MOSPD1: variants seen among roughly 807,000 people sequenced by gnomAD.
MOSPD1 encodes the protein motile sperm domain containing 1.
A neutral mutation model predicts 16.7 loss-of-function variants in MOSPD1; 5 were observed. That is an observed-to-expected ratio of 0.30 (90% CI 0.16 to 0.63). MOSPD1 has a LOEUF of 0.63. Among genes scored for constraint, MOSPD1 ranks in the 30% least tolerant of loss-of-function variants. MOSPD1 has a pLI of 0.82. For synonymous variants in MOSPD1, 67 were observed against 59.2 expected (o/e 1.13, Z -0.61); for missense variants, 104 against 153.6 (o/e 0.68, Z 1.71).
chrX:134,911,152 C>T (rs1184953714), intron 1 of MOSPD1, among the ~76,000 whole-genome samples: 1 of 112,175 alleles, frequency 8.9e-6, no homozygotes, highest in East Asian at 2.8e-4. Flanking sequence ...GTGTAACCTA[C>T]GATTTTGCCT....
At chrX:134,890,656 A>G (rs1167414407) in intron 5 of MOSPD1, among the ~76,000 whole-genome samples, 1 of 110,303 alleles carries the variant, frequency 9.1e-6, no homozygotes, top group Non-Finnish European at 1.9e-5. Flanking sequence ...TAAAAATACA[A>G]AATTAGCCTG....
chrX:134,902,569 G>T (rs764999078), intron 1 of MOSPD1, among the ~76,000 whole-genome samples: 4 of 109,996 alleles, frequency 3.6e-5, no homozygotes, highest in Admixed American at 2.9e-4. Context: ...AAGGTGGGAG[G>T]ATTTATTGAG....
chrX:134,911,992 G>A (rs1307312979), intron 1 of MOSPD1, among the ~76,000 whole-genome samples: 1 of 112,353 alleles, frequency 8.9e-6, no homozygotes. Flanking sequence ...GATGAAAAGA[G>A]GTATAGGTCA....
intron 1 of MOSPD1, among the ~76,000 whole-genome samples, chrX:134,904,066 CTG>C (rs1371985952): frequency 8.9e-6 from 1 of 112,385 alleles, no homozygotes; most frequent in African/African-American, 3.2e-5. Flanking sequence ...AAATGAAAAA[CTG>C]TTTCTGAAGA....
intron 1 of MOSPD1, among the ~76,000 whole-genome samples, chrX:134,911,771 G>C (rs1248929438): frequency 8.9e-6 from 1 of 112,090 alleles, no homozygotes; most frequent in Non-Finnish European, 1.9e-5. Context: ...TCTAACCAAG[G>C]TACTGCTAAA....
At chrX:134,893,850 G>A (rs1038910944) in intron 4 of MOSPD1, among the ~76,000 whole-genome samples, 6 of 110,952 alleles carry the variant, frequency 5.4e-5, no homozygotes, top group African/African-American at 1.6e-4. Flanking sequence ...TGGACTTTTC[G>A]GTTATTTTCA....
At chrX:134,902,289 C>A (rs2082915137) in intron 1 of MOSPD1, among the ~76,000 whole-genome samples, 1 of 109,680 alleles carries the variant, frequency 9.1e-6, no homozygotes, top group African/African-American at 3.3e-5. Context: ...CGCCTGTAGT[C>A]CCAGCTACTC....
chrX:134,887,718 C>T lies in MOSPD1; in HGVS notation c.*1443G>A, dbSNP rs768082730. On this transcript the variant is annotated 3_prime_UTR_variant, in exon 6 of 6. Coordinates refer to ENST00000370783, the MANE Select transcript of MOSPD1 (RefSeq NM_019556.3). ...ACACACACATGTGCACTTGCACACA[C>T]GTGCACACACAGGACTTGAGATGGA... The T allele has an allele frequency of 7.0e-5, 8 of 113,577 alleles. No individual in the cohort carries two copies. Among genetic ancestry groups the T allele is most frequent in the Non-Finnish European group, 1.1e-4 (6 of 53,412 alleles). The allele number at this position is 113,577 out of a possible 1,213,427, so 9.4% of individuals were successfully genotyped here.
intron 1 of MOSPD1, among the ~76,000 whole-genome samples, chrX:134,904,695 C>G (rs1409491221): frequency 9.1e-6 from 1 of 110,407 alleles, no homozygotes; most frequent in African/African-American, 3.3e-5. Flanking sequence ...AACCCCGTCT[C>G]TACTAAACAT....
rs756350403 is a variant in MOSPD1, at chrX:134,897,395, CA to C, written c.231-362del. Reference sequence around the variant, plus strand: ...ATGCAACACAGAGACCCCGTCTCTACAAAAAAAATTAAAAATTAACTGGCTT... The same window carrying C: ...ATGCAACACAGAGACCCCGTCTCTACAAAAAAATTAAAAATTAACTGGCTT... On this transcript the variant is annotated intron_variant, in intron 3 of 5. Transcript: ENST00000370783. Among the ~76,000 whole-genome samples, 627 of 108,044 alleles carry C rather than the reference CA, an allele frequency of 5.8e-3. 4 individuals carry two copies. Among genetic ancestry groups the C allele is most frequent in the African/African-American group, 0.02 (609 of 29,719 alleles). The allele number at this position is 108,044 out of a possible 115,157, so 93.8% of individuals were successfully genotyped here.
chrX:134,910,799 G>A (rs2082967252), intron 1 of MOSPD1, among the ~76,000 whole-genome samples: 1 of 112,001 alleles, frequency 8.9e-6, no homozygotes, highest in Non-Finnish European at 1.9e-5. Flanking sequence ...GTAAGTTAGA[G>A]GCAGATTGTG....
intron 1 of MOSPD1, among the ~76,000 whole-genome samples, chrX:134,912,297 C>T (rs1336377093): frequency 9.0e-6 from 1 of 111,626 alleles, no homozygotes; most frequent in Non-Finnish European, 1.9e-5. Context: ...ATCCGCCTGC[C>T]TCGGCCTCCC....
intron 2 of MOSPD1, 35 bp from the exon 3 acceptor site, chrX:134,899,200 T>C: frequency 8.5e-7 from 1 of 1,178,385 alleles, no homozygotes; most frequent in Non-Finnish European, 1.1e-6. Flanking sequence ...ATTAGTGTTT[T>C]TTTTTTTTAA....
chrX:134,902,178 C>T (rs5978058), intron 1 of MOSPD1, among the ~76,000 whole-genome samples: 12,127 of 109,276 alleles, frequency 0.11, 617 homozygotes, highest in East Asian at 0.26. Flanking sequence ...GAGGCCGAGG[C>T]GGACAGATCA....
intron 3 of MOSPD1, among the ~76,000 whole-genome samples, chrX:134,897,373 C>A (rs2082890249): frequency 9.2e-6 from 1 of 108,359 alleles, no homozygotes; most frequent in South Asian, 4.0e-4. Context: ...CCAGCCTATG[C>A]AACACAGAGA....
rs148663795 is a variant in MOSPD1, at chrX:134,889,890, G to A, written c.611-698C>T. 5.8e-3 allele frequency among the ~76,000 whole-genome samples: 644 copies of A among 110,202 alleles called. 3 individuals carry two copies. The highest frequency in any genetic ancestry group is 0.02 in the African/African-American group (601 of 30,314). On this transcript the variant is annotated intron_variant, in intron 5 of 5. Transcript: ENST00000370783. ...GTTCAAGACAAGCCTGGCCAACATGGCAAAACCCCGTCTCTACTAAAAATA... is the reference window on the plus strand; with the variant it reads ...GTTCAAGACAAGCCTGGCCAACATGACAAAACCCCGTCTCTACTAAAAATA...
rs763125225 is a variant in MOSPD1 at position 134,899,449 on chromosome X, C to T, written c.-16G>A. The T allele has an allele frequency of 7.9e-6, 9 of 1,140,714 alleles. No individual in the cohort carries two copies. Among genetic ancestry groups the T allele is most frequent in the Non-Finnish European group, 1.0e-5 (9 of 865,942 alleles). 94.0% of individuals were successfully genotyped at this position (1,140,714 alleles called of 1,213,427 possible). A position where few individuals can be genotyped will look rare whatever the true frequency, so the allele number is the denominator to read the frequency against. On this transcript the variant is annotated 5_prime_UTR_variant, in exon 2 of 6. Transcript: ENST00000370783. ...GTTGATGCATTGGCACTGAATCCCC[C>T]TTGCTGCAGTTTCTGTTTTTACAGT...
At chrX:134,898,196 T>C (rs1174026080) in intron 3 of MOSPD1, among the ~76,000 whole-genome samples, 3 of 111,915 alleles carry the variant, frequency 2.7e-5, no homozygotes, top group Non-Finnish European at 3.8e-5. Flanking sequence ...GTAATTCTTA[T>C]GGGTTTTCTG....
intron 1 of MOSPD1, among the ~76,000 whole-genome samples, chrX:134,913,901 G>A (rs186092331): frequency 9.0e-6 from 1 of 111,542 alleles, no homozygotes; most frequent in Admixed American, 9.6e-5. Flanking sequence ...ACATTTGGCC[G>A]TTTCCTGTTT....
Sources: allele counts gnomAD v4.1 joint callset (sites outside exome capture counted in the v4.1 genomes callset), GRCh38; gene constraint gnomAD v4.1.1; transcripts MANE v1.5; gene names NCBI Gene and HGNC (gene_info 2026-07-23, HGNC 2026-07-21).